UBAC2: variants seen among roughly 807,000 people sequenced by gnomAD.
UBAC2 encodes ubiquitin-associated domain-containing protein 2.
In UBAC2, 26 loss-of-function variants were observed where a neutral mutation model predicts 44.0. The ratio of observed to expected loss-of-function variants is 0.59; its 90% CI spans 0.43 to 0.82. UBAC2 has a LOEUF of 0.82. Among genes scored for constraint, UBAC2 ranks in the 40% least tolerant of loss-of-function variants. The pLI, the probability that UBAC2 is intolerant of heterozygous loss-of-function variation, is 0.00. For missense variants in UBAC2, 329 were observed against 419.4 expected (o/e 0.78, Z 1.88); for synonymous variants, 155 against 154.3 (o/e 1.00, Z -0.04).
chr13:99,309,364 C>T (rs972813030), intron 4 of UBAC2, among the ~76,000 whole-genome samples: 2 of 152,124 alleles, frequency 1.3e-5, no homozygotes, highest in East Asian at 1.9e-4. Context: ...CTGCATTGGC[C>T]TCCCAAAGTG....
intron 5 of UBAC2, among the ~76,000 whole-genome samples, chr13:99,317,016 G>T (rs563554695): frequency 3.3e-5 from 5 of 152,134 alleles, no homozygotes; most frequent in Non-Finnish European, 7.4e-5. Flanking sequence ...CTGAACAAAC[G>T]TCCGTGCTAC....
intron 1 of UBAC2, among the ~76,000 whole-genome samples, chr13:99,208,108 C>T (rs1178743929): frequency 2.0e-5 from 3 of 150,590 alleles, no homozygotes; most frequent in African/African-American, 7.4e-5. Flanking sequence ...AGCAATTCTC[C>T]TGCCTCAGCC....
chr13:99,285,792 T>C (rs144657408), intron 4 of UBAC2, among the ~76,000 whole-genome samples: 4 of 152,144 alleles, frequency 2.6e-5, no homozygotes, highest in Middle Eastern at 3.4e-3. Flanking sequence ...TTGCCTGGAG[T>C]TCTGGATATG....
chr13:99,312,895 A>C (rs995410171), intron 4 of UBAC2: 2 of 153,256 alleles, frequency 1.3e-5, no homozygotes, highest in African/African-American at 4.8e-5. Flanking sequence ...TTGCCATCAC[A>C]TCTTTATGAA....
At chr13:99,250,209 C>T (rs750535103) in intron 4 of UBAC2, among the ~76,000 whole-genome samples, 1 of 152,172 alleles carries the variant, frequency 6.6e-6, no homozygotes, top group Non-Finnish European at 1.5e-5. Flanking sequence ...ACATTTATAT[C>T]TTTAATCCAT....
chr13:99,356,830 C>T (rs969122686), intron 7 of UBAC2, among the ~76,000 whole-genome samples: 2 of 152,202 alleles, frequency 1.3e-5, no homozygotes. Flanking sequence ...ATGGTTTCTT[C>T]TGGGCCTCGC....
intron 1 of UBAC2, among the ~76,000 whole-genome samples, chr13:99,211,141 G>T (rs909621592): frequency 2.6e-5 from 4 of 152,220 alleles, no homozygotes. Flanking sequence ...AGGGAGAAAA[G>T]ATTGCTTTTC....
chr13:99,367,348 G>A (rs1019529154), intron 7 of UBAC2, among the ~76,000 whole-genome samples: 5 of 152,224 alleles, frequency 3.3e-5, no homozygotes, highest in Non-Finnish European at 5.9e-5. Context: ...TTTAAGGGCC[G>A]TGATGGAAAC....
chr13:99,221,676 G>A (rs914773740), intron 1 of UBAC2, among the ~76,000 whole-genome samples: 1 of 152,174 alleles, frequency 6.6e-6, no homozygotes, highest in Admixed American at 6.5e-5. Flanking sequence ...GGATAAAAAT[G>A]CTGCCCTGTT....
At chr13:99,255,192 C>G in intron 4 of UBAC2, 4 of 1,614,034 alleles carry the variant, frequency 2.5e-6, no homozygotes, top group Non-Finnish European at 3.4e-6. Flanking sequence ...TGGACTTCTC[C>G]TTGACTTTGG....
intron 4 of UBAC2, among the ~76,000 whole-genome samples, chr13:99,291,788 T>C (rs1371908719): frequency 6.6e-6 from 1 of 152,216 alleles, no homozygotes; most frequent in Non-Finnish European, 1.5e-5. Context: ...TTTCTTTTCA[T>C]TGAGAATTAA....
At chr13:99,332,842 T>A (rs1198495703) in intron 6 of UBAC2, among the ~76,000 whole-genome samples, 1 of 152,162 alleles carries the variant, frequency 6.6e-6, no homozygotes, top group Admixed American at 6.5e-5. Flanking sequence ...TTGGTAGAGT[T>A]CCCCCAGCCC....
chr13:99,201,201 T>A, intron 1 of UBAC2: 1 of 1,405,014 alleles, frequency 7.1e-7, no homozygotes, highest in African/African-American at 1.4e-5. Flanking sequence ...TGCCCAGGAG[T>A]CTCTTGGGGC....
At chr13:99,201,669 G>A (rs1380425594) in intron 1 of UBAC2, 4 of 1,275,124 alleles carry the variant, frequency 3.1e-6, no homozygotes, top group East Asian at 4.8e-5. Flanking sequence ...AGTTAGGCAC[G>A]GGTACAGCAA....
chr13:99,262,808 G>A (rs1344688970), intron 4 of UBAC2, among the ~76,000 whole-genome samples: 2 of 149,568 alleles, frequency 1.3e-5, no homozygotes, highest in Admixed American at 6.7e-5. Flanking sequence ...CTATATAATA[G>A]TGTGTGTGGT....
At chr13:99,208,554 T>G (rs925429228) in intron 1 of UBAC2, among the ~76,000 whole-genome samples, 3 of 152,240 alleles carry the variant, frequency 2.0e-5, no homozygotes, top group African/African-American at 7.2e-5. Flanking sequence ...GTTCAATATA[T>G]TAACACTTCA....
At chr13:99,213,556 T>A (rs544764722) in intron 1 of UBAC2, among the ~76,000 whole-genome samples, 11 of 151,330 alleles carry the variant, frequency 7.3e-5, no homozygotes, top group African/African-American at 2.7e-4. Context: ...GACAGGGTTT[T>A]ACCATGTTGG....
intron 1 of UBAC2, among the ~76,000 whole-genome samples, chr13:99,222,854 A>C (rs2043065753): frequency 6.6e-6 from 1 of 152,202 alleles, no homozygotes; most frequent in African/African-American, 2.4e-5. Flanking sequence ...ACAGTGTAAC[A>C]CTGGCTTCAT....
At chr13:99,334,822 A>G (rs1458090414) in intron 6 of UBAC2, among the ~76,000 whole-genome samples, 1 of 152,224 alleles carries the variant, frequency 6.6e-6, no homozygotes, top group Non-Finnish European at 1.5e-5. Context: ...ACTCCAATCA[A>G]AAGGTAGAGA....
Sources: gnomAD v4.1 joint callset for allele counts (sites outside exome capture counted in the v4.1 genomes callset) on GRCh38, gnomAD v4.1.1 for gene constraint, MANE v1.5 for transcripts, NCBI Gene and HGNC (gene_info 2026-07-23, HGNC 2026-07-21) for gene names.